Variants in LRRFIP2 observed in about 807,000 individuals in gnomAD.
The protein encoded by LRRFIP2 is leucine-rich repeat flightless-interacting protein 2.
LRRFIP2 carries 109 observed loss-of-function variants against 125.9 expected under a neutral mutation model. That is an observed-to-expected ratio of 0.87 (90% confidence interval 0.74 to 1.01). LRRFIP2 has a LOEUF of 1.01. Among genes scored for constraint, LRRFIP2 ranks in the 50% least tolerant of loss-of-function variants. The probability of loss-of-function intolerance (pLI) is 0.00; values close to 1 mark genes in which losing one functional copy is unlikely to be tolerated. For missense variants in LRRFIP2, 850 were observed against 862.3 expected, an observed-to-expected ratio of 0.99 and a Z score of 0.18; for synonymous variants, 291 against 293.1, an observed-to-expected ratio of 0.99 and a Z score of 0.07.
intron 25 of LRRFIP2, among the ~76,000 whole-genome samples, chr3:37,055,939 G>A (rs2086723016): frequency 6.6e-6 from 1 of 152,138 alleles, no homozygotes; most frequent in Admixed American, 6.5e-5. Context: ...TCAAGGCCAA[G>A]CTCAATTTTC....
chr3:37,075,690 T>C (rs1349288153), intron 19 of LRRFIP2, among the ~76,000 whole-genome samples: 4 of 152,110 alleles, frequency 2.6e-5, no homozygotes, highest in Non-Finnish European at 5.9e-5. Context: ...AGGTTTTTCT[T>C]TTATCATCAT....
Position 37,152,544 on chromosome 3 carries a change from A to G in LRRFIP2, c.-55-3506T>C, listed in dbSNP as rs1409577060. ...CTGCAGTCTTTGCCTCCCGGGTTCA[A>G]GTGATTCTCCTGTCTCAGCCTCCCG... On this transcript the variant is annotated intron_variant, in intron 1 of 27. Coordinates refer to ENST00000336686, the MANE Select transcript of LRRFIP2 (RefSeq NM_006309.4). 2.6e-5 allele frequency among the ~76,000 whole-genome samples: 4 copies of G among 152,136 alleles called. No individual in the cohort carries two copies. The East Asian group carries it at 7.7e-4, about 29-fold the overall frequency.
intron 20 of LRRFIP2, among the ~76,000 whole-genome samples, 190 bp from the exon 21 acceptor site, chr3:37,073,072 T>C (rs1450753968): frequency 2.0e-5 from 3 of 152,244 alleles, no homozygotes; most frequent in African/African-American, 4.8e-5. Flanking sequence ...ACAAGATTCT[T>C]ATTGGCTTGC....
In LRRFIP2 at chr3:37,174,426, C is replaced by T. The variant is rs184977639; in HGVS notation, c.-56+113G>A. The T allele has an allele frequency of 2.9e-3, 445 of 152,282 alleles. 3 individuals are homozygous for T. Among genetic ancestry groups the T allele is most frequent in the African/African-American group, 0.01 (425 of 41,558 alleles). The allele number at this position is 152,282 out of a possible 1,614,324, so 9.4% of individuals were successfully genotyped here. Reference sequence around the variant, plus strand: ...TTTCTTCTAGAACAGAACTTAATAACTCATGTAGTTTCATTCTACATTTTT... The same window carrying T: ...TTTCTTCTAGAACAGAACTTAATAATTCATGTAGTTTCATTCTACATTTTT... On this transcript the variant is annotated intron_variant, in intron 1 of 27. Coordinates refer to ENST00000336686, the MANE Select transcript of LRRFIP2 (RefSeq NM_006309.4).
At chr3:37,167,523 G>A (rs1170395925) in intron 1 of LRRFIP2, among the ~76,000 whole-genome samples, 5 of 151,304 alleles carry the variant, frequency 3.3e-5, no homozygotes, top group Admixed American at 1.3e-4. Flanking sequence ...GCGTGGTGGC[G>A]GGTGCCCATA....
At chr3:37,162,696 G>A (rs1471788253) in intron 1 of LRRFIP2, among the ~76,000 whole-genome samples, 1 of 152,172 alleles carries the variant, frequency 6.6e-6, no homozygotes, top group Non-Finnish European at 1.5e-5. Flanking sequence ...GGGCAAAAGG[G>A]AACCTCCAGA....
chr3:37,129,575 C>T (rs2095373437), intron 2 of LRRFIP2, among the ~76,000 whole-genome samples: 2 of 152,214 alleles, frequency 1.3e-5, no homozygotes, highest in Non-Finnish European at 2.9e-5. Flanking sequence ...CTCTATCAAA[C>T]CCATCTCAGC....
intron 1 of LRRFIP2, among the ~76,000 whole-genome samples, chr3:37,171,918 C>T (rs2096591507): frequency 6.6e-6 from 1 of 152,140 alleles, no homozygotes; most frequent in Non-Finnish European, 1.5e-5. Context: ...AGTCTTCAAA[C>T]CACAATATTT....
In LRRFIP2 at chr3:37,081,512, T is replaced by G. The variant is rs113588372; in HGVS notation, c.1278+2124A>C. 3.5e-3 allele frequency among the ~76,000 whole-genome samples: 538 copies of G among 152,146 alleles called. 3 individuals are homozygous for G. The highest frequency in any genetic ancestry group is 0.013 in the African/African-American group (524 of 41,500). Reference sequence around the variant, plus strand: ...GGAGTAAAGGTATGTTAGAAAGAGATACTGTCACAAAGTGTTCTGCATCAC... The same window carrying G: ...GGAGTAAAGGTATGTTAGAAAGAGAGACTGTCACAAAGTGTTCTGCATCAC... On this transcript the variant is annotated intron_variant, in intron 19 of 27. Transcript: ENST00000336686.
chr3:37,161,508 A>G (rs948081960), intron 1 of LRRFIP2, among the ~76,000 whole-genome samples: 1 of 152,244 alleles, frequency 6.6e-6, no homozygotes, highest in Admixed American at 6.5e-5. Context: ...AGGTAAATCC[A>G]TAGGGACAGA....
intron 1 of LRRFIP2, chr3:37,174,280 T>C (rs2096626366): frequency 2.6e-5 from 4 of 152,236 alleles, no homozygotes; most frequent in Admixed American, 2.6e-4. Context: ...AAGAACTCTG[T>C]GATTTCAACC....
chr3:37,091,386 G>A lies in LRRFIP2; in HGVS notation c.1107+81C>T, dbSNP rs954565144. 9 of 1,054,104 alleles carry A rather than the reference G, an allele frequency of 8.5e-6. No homozygotes were observed. The East Asian group carries it at 1.7e-4, about 20-fold the overall frequency. 65.3% of individuals were successfully genotyped at this position (1,054,104 alleles called of 1,614,324 possible). On this transcript the variant is annotated intron_variant, in intron 18 of 27. Transcript: ENST00000336686. The stretch of plus-strand genomic sequence containing the variant: ...ACTGTTAGTAAAGCTATGTGCAGTT[G>A]GTTAACAGAACTTGCAAAGCCACCA...
In LRRFIP2 at chr3:37,099,804, C is replaced by T. The variant is rs185096972; in HGVS notation, c.873+3120G>A. Among the ~76,000 whole-genome samples, 9 of 152,246 alleles carry T rather than the reference C, an allele frequency of 5.9e-5. 1 individual carries two copies. The East Asian group carries it at 1.7e-3, about 29-fold the overall frequency. ...CCCCCAAAAATATTATATAGGCTTGCAGAAACATGACCTGGCACCCTTTCT... is the reference window on the plus strand; with the variant it reads ...CCCCCAAAAATATTATATAGGCTTGTAGAAACATGACCTGGCACCCTTTCT... On this transcript the variant is annotated intron_variant, in intron 15 of 27. Coordinates refer to ENST00000336686, the MANE Select transcript of LRRFIP2 (RefSeq NM_006309.4).
intron 2 of LRRFIP2, among the ~76,000 whole-genome samples, chr3:37,139,364 T>C (rs1308273672): frequency 6.6e-6 from 1 of 152,176 alleles, no homozygotes; most frequent in Non-Finnish European, 1.5e-5. Flanking sequence ...CCAAGATATA[T>C]AATGTAAATG....
chr3:37,082,169 C>T (rs749285085), intron 19 of LRRFIP2, among the ~76,000 whole-genome samples: 6 of 151,696 alleles, frequency 4.0e-5, no homozygotes, highest in Non-Finnish European at 2.9e-5. Context: ...TGTGGGACAG[C>T]AAAAAAAGGA....
intron 1 of LRRFIP2, among the ~76,000 whole-genome samples, chr3:37,168,630 C>T (rs1203860928): frequency 6.6e-6 from 1 of 152,086 alleles, no homozygotes; most frequent in Non-Finnish European, 1.5e-5. Context: ...TTTATACCAC[C>T]GAATTGTACA....
rs73824652 is a variant in LRRFIP2 at position 37,129,019 on chromosome 3, T to C, written c.177+44A>G. Reference sequence around the variant, plus strand: ...AGAATAAACTAGCCAAGTACTGATTTTGGGGGAGACAAATATGAAATTAGG... The same window carrying C: ...AGAATAAACTAGCCAAGTACTGATTCTGGGGGAGACAAATATGAAATTAGG... On this transcript the variant is annotated intron_variant, in intron 3 of 27. Transcript: ENST00000336686. 313 of 1,550,982 alleles carry C rather than the reference T, an allele frequency of 2.0e-4. 1 individual carries two copies. The African/African-American group carries it at 3.7e-3, about 18-fold the overall frequency.
chr3:37,137,723 G>C (rs1187878912), intron 2 of LRRFIP2, among the ~76,000 whole-genome samples: 3 of 152,118 alleles, frequency 2.0e-5, no homozygotes, highest in Non-Finnish European at 4.4e-5. Context: ...AGCATCTCAA[G>C]CTCTGACTTC....
At chr3:37,118,748 T>A (rs2094900103) in intron 6 of LRRFIP2, among the ~76,000 whole-genome samples, 1 of 152,212 alleles carries the variant, frequency 6.6e-6, no homozygotes, top group African/African-American at 2.4e-5. Context: ...TATATCCACC[T>A]CACATTCAGG....
Sources: allele counts gnomAD v4.1 joint callset (sites outside exome capture counted in the v4.1 genomes callset), GRCh38; gene constraint gnomAD v4.1.1; transcripts MANE v1.5; gene names NCBI Gene and HGNC (gene_info 2026-07-23, HGNC 2026-07-21).